NLGN1: variants seen among roughly 807,000 people sequenced by gnomAD.
The protein encoded by NLGN1 is neuroligin-1.
In NLGN1, 12 loss-of-function variants were observed where a neutral mutation model predicts 65.5. The observed-to-expected ratio is 0.18, with a 90% CI of 0.12 to 0.30. The LOEUF (loss-of-function observed/expected upper bound fraction) is 0.30. Among genes scored for constraint, NLGN1 ranks in the 10% least tolerant of loss-of-function variants. The probability of loss-of-function intolerance (pLI) is 1.00; values close to 1 mark genes in which losing one functional copy is unlikely to be tolerated. For synonymous variants in NLGN1, 350 were observed against 359.5 expected, an observed-to-expected ratio of 0.97 and a Z score of 0.30; for missense variants, 750 against 1,007.1, an observed-to-expected ratio of 0.74 and a Z score of 3.46.
intron 4 of NLGN1, among the ~76,000 whole-genome samples, chr3:174,063,878 G>T (rs1487606973): frequency 6.6e-6 from 1 of 151,998 alleles, no homozygotes; most frequent in South Asian, 2.1e-4. Context: ...GATCCTAAAG[G>T]ATTAAATAAA....
At chr3:173,710,941 A>C (rs1768851026) in intron 3 of NLGN1, among the ~76,000 whole-genome samples, 1 of 152,198 alleles carries the variant, frequency 6.6e-6, no homozygotes, top group Admixed American at 6.5e-5. Flanking sequence ...TTAAAGCATT[A>C]TTCCAGTGAA....
chr3:173,844,271 C>A (rs1725333192), intron 4 of NLGN1, among the ~76,000 whole-genome samples: 1 of 152,074 alleles, frequency 6.6e-6, no homozygotes, highest in Admixed American at 6.6e-5. Flanking sequence ...ATATCACAGC[C>A]CTTGTTGTTT....
At chr3:173,743,303 G>C (rs1306114052) in intron 3 of NLGN1, among the ~76,000 whole-genome samples, 1 of 152,122 alleles carries the variant, frequency 6.6e-6, no homozygotes. Flanking sequence ...ACGGAATTCT[G>C]AGTAGCTTGT....
At chr3:174,286,584 A>G (rs1193454781) in exon 7 of NLGN1, 1 of 151,650 alleles carries the variant, frequency 6.6e-6, no homozygotes, top group East Asian at 1.9e-4. Flanking sequence ...GTGTTTGGAC[A>G]TCTATGGCTT....
intron 4 of NLGN1, among the ~76,000 whole-genome samples, chr3:174,108,809 A>C (rs1445889004): frequency 6.6e-6 from 1 of 152,076 alleles, no homozygotes; most frequent in African/African-American, 2.4e-5. Flanking sequence ...CAAGGAAAGC[A>C]ACTTAGTCAT....
At chr3:174,045,553 A>G (rs1733375426) in intron 4 of NLGN1, among the ~76,000 whole-genome samples, 1 of 152,112 alleles carries the variant, frequency 6.6e-6, no homozygotes, top group African/African-American at 2.4e-5. Context: ...GCCAGACTAT[A>G]TTATGTCCCT....
At chr3:173,661,338 A>G (rs905402106) in intron 3 of NLGN1, among the ~76,000 whole-genome samples, 4 of 151,962 alleles carry the variant, frequency 2.6e-5, no homozygotes, top group African/African-American at 7.2e-5. Context: ...TTTCAGATGG[A>G]TAAGTTGAGG....
At chr3:173,919,472 A>G (rs2152256639) in intron 4 of NLGN1, among the ~76,000 whole-genome samples, 1 of 152,318 alleles carries the variant, frequency 6.6e-6, no homozygotes, top group Admixed American at 6.5e-5. Flanking sequence ...CACTCACTTT[A>G]TTAGGAAGGT....
intron 3 of NLGN1, among the ~76,000 whole-genome samples, chr3:173,707,522 A>C (rs932039756): frequency 6.6e-6 from 1 of 151,976 alleles, no homozygotes; most frequent in Non-Finnish European, 1.5e-5. Flanking sequence ...TATTATTACA[A>C]ATAAGATTTC....
rs888203166 is a variant in NLGN1 at position 174,146,093 on chromosome 3, T to C, written c.647-129222T>C. Among the ~76,000 whole-genome samples, 3 of 125,182 alleles carry C rather than the reference T, an allele frequency of 2.4e-5. No individual in the cohort carries two copies. The East Asian group carries it at 8.2e-4, about 34-fold the overall frequency. The allele number at this position is 125,182 out of a possible 152,430, so 82.1% of individuals were successfully genotyped here. A position where few individuals can be genotyped will look rare whatever the true frequency, so the allele number is the denominator to read the frequency against. ...ATAACCTATTAATCTATTCTACTCT[T>C]TTCCTTCCTTCCTTCCTTCCTTCCT... is the stretch of plus-strand genomic sequence containing the variant. On this transcript the variant is annotated intron_variant, in intron 4 of 6. Transcript: ENST00000457714.
chr3:173,721,698 T>G (rs958401675), intron 3 of NLGN1, among the ~76,000 whole-genome samples: 2 of 152,156 alleles, frequency 1.3e-5, no homozygotes, highest in Non-Finnish European at 2.9e-5. Context: ...CTGGAGATAG[T>G]AGGGAGTTTT....
intron 2 of NLGN1, among the ~76,000 whole-genome samples, chr3:173,435,553 G>A (rs1717965832): frequency 6.6e-6 from 1 of 152,184 alleles, no homozygotes; most frequent in Admixed American, 6.5e-5. Context: ...AAAAAATGTA[G>A]GCTGGGTGCG....
intron 4 of NLGN1, among the ~76,000 whole-genome samples, chr3:174,065,872 G>A (rs959345718): frequency 6.6e-6 from 1 of 152,032 alleles, no homozygotes; most frequent in East Asian, 1.9e-4. Context: ...ACCAATAGCC[G>A]GCAAGAAACG....
chr3:173,958,001 CTGCAGCTGGACCAGATATACTGCA>C (rs935256213), intron 4 of NLGN1, among the ~76,000 whole-genome samples: 8 of 152,190 alleles, frequency 5.3e-5, no homozygotes, highest in African/African-American at 1.7e-4. Context: ...CCCTGTGAGG[CTGCAGCTGGACCAGATATACTGCA>C]AGCAGCTTCC....
intron 4 of NLGN1, among the ~76,000 whole-genome samples, chr3:174,018,367 G>A (rs1308286399): frequency 2.0e-5 from 3 of 152,128 alleles, no homozygotes; most frequent in African/African-American, 7.2e-5. Context: ...AGTAAAGACA[G>A]GCATAGGAAA....
chr3:173,436,369 C>T (rs2148771202), intron 2 of NLGN1, among the ~76,000 whole-genome samples: 1 of 152,214 alleles, frequency 6.6e-6, no homozygotes, highest in African/African-American at 2.4e-5. Context: ...TAGTGGCTCC[C>T]ATTCTTTGGC....
intron 4 of NLGN1, among the ~76,000 whole-genome samples, chr3:174,008,063 C>T (rs1487095659): frequency 6.6e-6 from 1 of 152,002 alleles, no homozygotes; most frequent in Non-Finnish European, 1.5e-5. Flanking sequence ...CTCAGAAGAG[C>T]TCTGTATCCA....
intron 3 of NLGN1, among the ~76,000 whole-genome samples, chr3:173,739,605 C>T (rs547212020): frequency 9.2e-5 from 14 of 152,080 alleles, no homozygotes; most frequent in African/African-American, 2.9e-4. Context: ...TAAAAGACCT[C>T]AGGGAAAGGT....
At chr3:173,529,212 C>T (rs1736142720) in intron 2 of NLGN1, among the ~76,000 whole-genome samples, 1 of 152,188 alleles carries the variant, frequency 6.6e-6, no homozygotes, top group African/African-American at 2.4e-5. Flanking sequence ...CTGTGCACTT[C>T]TGTTGGCAGG....
Sources: allele counts gnomAD v4.1 joint callset (sites outside exome capture counted in the v4.1 genomes callset), GRCh38; gene constraint gnomAD v4.1.1; transcripts MANE v1.5; gene names NCBI Gene and HGNC (gene_info 2026-07-23, HGNC 2026-07-21).